GIGYF2: variants seen among roughly 807,000 people sequenced by gnomAD.
The protein encoded by GIGYF2 is GRB10-interacting GYF protein 2.
In GIGYF2, 25 loss-of-function variants were observed where a neutral mutation model predicts 208.1. That is an observed-to-expected ratio of 0.12 (90% CI 0.09 to 0.17). The LOEUF is 0.17. Ranked by LOEUF, GIGYF2 falls within the 10% of genes least tolerant of loss-of-function variation. The pLI is 1.00. For synonymous variants in GIGYF2, 534 were observed against 543.8 expected (o/e 0.98, Z 0.25); for missense variants, 1,302 against 1,579.4 (o/e 0.82, Z 2.98).
intron 1 of GIGYF2, among the ~76,000 whole-genome samples, chr2:232,699,510 G>A (rs1466198025): frequency 1.3e-5 from 2 of 152,110 alleles, no homozygotes; most frequent in Non-Finnish European, 2.9e-5. Flanking sequence ...ATCCCCATCC[G>A]CTAATTTGGA....
chr2:232,749,407 C>T (rs1348721919), intron 5 of GIGYF2, among the ~76,000 whole-genome samples: 1 of 152,072 alleles, frequency 6.6e-6, no homozygotes, highest in Non-Finnish European at 1.5e-5. Flanking sequence ...AAGTAATTGC[C>T]AACCTGAATT....
chr2:232,771,593 C>T (rs1243494281), intron 8 of GIGYF2, among the ~76,000 whole-genome samples: 1 of 152,102 alleles, frequency 6.6e-6, no homozygotes, highest in Non-Finnish European at 1.5e-5. Flanking sequence ...TCTATTGTTT[C>T]TTTGAATGAC....
intron 5 of GIGYF2, among the ~76,000 whole-genome samples, chr2:232,749,388 G>A (rs1235671193): frequency 6.6e-6 from 1 of 152,134 alleles, no homozygotes; most frequent in Non-Finnish European, 1.5e-5. Flanking sequence ...CAAATAAACA[G>A]ATTTTCAGAA....
intron 19 of GIGYF2, 50 bp from the exon 20 acceptor site, chr2:232,816,821 G>T: frequency 7.1e-7 from 1 of 1,404,036 alleles, no homozygotes; most frequent in Non-Finnish European, 1.0e-6. Context: ...CTTTCGGAGT[G>T]TTCCTGTGCT....
intron 21 of GIGYF2, 56 bp from the exon 22 acceptor site, chr2:232,832,800 AT>A (rs977133541): frequency 1.5e-5 from 20 of 1,324,130 alleles, no homozygotes; most frequent in Non-Finnish European, 2.0e-5. Context: ...AGTGAGTCAG[AT>A]TTTTCCCCCC....
chr2:232,712,497 T>C (rs1696467170), intron 2 of GIGYF2, among the ~76,000 whole-genome samples: 1 of 152,242 alleles, frequency 6.6e-6, no homozygotes, highest in Non-Finnish European at 1.5e-5. Flanking sequence ...CAGTGAAGAA[T>C]ATAGTGACTG....
At chr2:232,713,485 C>A (rs1479953217) in intron 2 of GIGYF2, among the ~76,000 whole-genome samples, 1 of 152,222 alleles carries the variant, frequency 6.6e-6, no homozygotes, top group Non-Finnish European at 1.5e-5. Flanking sequence ...CAGTTATTAA[C>A]ATCTTACATT....
intron 3 of GIGYF2, among the ~76,000 whole-genome samples, chr2:232,746,671 C>G (rs563961921): frequency 1.5e-4 from 23 of 152,224 alleles, no homozygotes; most frequent in Admixed American, 5.2e-4. Flanking sequence ...CTTTTCTTAT[C>G]AGTTTGGAGT....
At chr2:232,738,455 C>T (rs926275281) in intron 3 of GIGYF2, among the ~76,000 whole-genome samples, 1 of 152,184 alleles carries the variant, frequency 6.6e-6, no homozygotes, top group African/African-American at 2.4e-5. Context: ...TACTCCCTAT[C>T]TCTCTTCCTT....
At chr2:232,814,577 C>CCCCA (rs1553616914) in intron 18 of GIGYF2, among the ~76,000 whole-genome samples, 5 of 129,942 alleles carry the variant, frequency 3.8e-5, no homozygotes, top group African/African-American at 5.7e-5. Context: ...CCCCCCCCCC[C>CCCCA]AAAAAAAAAG....
intron 13 of GIGYF2, among the ~76,000 whole-genome samples, 186 bp downstream of exon 13, chr2:232,795,130 T>C (rs1203798356): frequency 6.6e-6 from 1 of 152,262 alleles, no homozygotes; most frequent in Non-Finnish European, 1.5e-5. Context: ...GTTTCTGCTA[T>C]GTAGTAGTCA....
chr2:232,700,156 A>C (rs1695780402), intron 1 of GIGYF2, among the ~76,000 whole-genome samples: 1 of 152,260 alleles, frequency 6.6e-6, no homozygotes, highest in South Asian at 2.1e-4. Flanking sequence ...GAAGATGGAA[A>C]TTACAAGGTC....
At chr2:232,796,301 T>A in intron 14 of GIGYF2, 80 bp downstream of exon 14, 1 of 935,566 alleles carries the variant, frequency 1.1e-6, no homozygotes, top group Non-Finnish European at 1.8e-6. Flanking sequence ...TTGTTTAATT[T>A]AAATTATAGT....
chr2:232,817,072 A>T (rs1700938145), intron 20 of GIGYF2, 40 bp downstream of exon 20: 1 of 1,449,944 alleles, frequency 6.9e-7, no homozygotes, highest in Non-Finnish European at 9.7e-7. Context: ...TTAGTGCTTG[A>T]TGAGGGCTTT....
intron 2 of GIGYF2, among the ~76,000 whole-genome samples, chr2:232,718,297 CG>C (rs1696785645): frequency 6.6e-6 from 1 of 152,038 alleles, no homozygotes; most frequent in South Asian, 2.1e-4. Context: ...AGGGTTTCAC[CG>C]TTGTTGGTCA....
intron 8 of GIGYF2, among the ~76,000 whole-genome samples, chr2:232,772,547 A>G (rs912098463): frequency 6.6e-6 from 1 of 152,236 alleles, no homozygotes; most frequent in Non-Finnish European, 1.5e-5. Flanking sequence ...ATCAGTGGTT[A>G]TCCTTTTCTC....
chr2:232,740,835 C>A (rs371159222), intron 3 of GIGYF2, among the ~76,000 whole-genome samples: 1 of 152,110 alleles, frequency 6.6e-6, no homozygotes, highest in Non-Finnish European at 1.5e-5. Context: ...TTAATATTTC[C>A]AGTTTTCAGA....
At chr2:232,746,222 AT>A (rs1372697203) in intron 3 of GIGYF2, among the ~76,000 whole-genome samples, 1 of 151,732 alleles carries the variant, frequency 6.6e-6, no homozygotes, top group Non-Finnish European at 1.5e-5. Flanking sequence ...ACTAATGCAT[AT>A]TTTTTCTTTA....
In GIGYF2 at chr2:232,768,763, G is replaced by A. The variant is rs147221151; in HGVS notation, c.532+7327G>A. The A allele has an allele frequency of 3.1e-5, 50 of 1,599,628 alleles. No individual in the cohort carries two copies. Among genetic ancestry groups the A allele is most frequent in the South Asian group, 2.8e-4 (25 of 90,146 alleles). Reference sequence around the variant, plus strand: ...GCTACTACTGCTGTGTCAGTAAAGCGAATTGAAAAAGCTCGATTTTTTGGC... The same window carrying A: ...GCTACTACTGCTGTGTCAGTAAAGCAAATTGAAAAAGCTCGATTTTTTGGC... On this transcript the variant is annotated intron_variant, in intron 8 of 28. Coordinates refer to ENST00000373563, the MANE Select transcript of GIGYF2 (RefSeq NM_001103146.3).
Sources: allele counts gnomAD v4.1 joint callset (sites outside exome capture counted in the v4.1 genomes callset), GRCh38; gene constraint gnomAD v4.1.1; transcripts MANE v1.5; gene names NCBI Gene and HGNC (gene_info 2026-07-23, HGNC 2026-07-21).